Variants in KCNB2 observed in about 807,000 individuals in gnomAD.
KCNB2 encodes the protein potassium voltage-gated channel subfamily B member 2, also known as delayed rectifier potassium channel protein.
A neutral mutation model predicts 61.5 loss-of-function variants in KCNB2; 15 were observed. The ratio of observed to expected loss-of-function variants is 0.24; its 90% CI spans 0.16 to 0.38. KCNB2 has a LOEUF of 0.38. Among genes scored for constraint, KCNB2 ranks in the 10% least tolerant of loss-of-function variants. The pLI, the probability that KCNB2 is intolerant of heterozygous loss-of-function variation, is 1.00. For missense variants in KCNB2, 828 were observed against 1,125.2 expected (o/e 0.74, Z 3.78); for synonymous variants, 457 against 446.0 (o/e 1.02, Z -0.31).
At chr8:72,830,102 G>A (rs1289287498) in intron 2 of KCNB2, among the ~76,000 whole-genome samples, 3 of 151,544 alleles carry the variant, frequency 2.0e-5, no homozygotes, top group African/African-American at 2.4e-5. Context: ...TCTTCACTAT[G>A]CCTTCAGCTT....
At chr8:72,862,043 A>G (rs1805426376) in intron 2 of KCNB2, among the ~76,000 whole-genome samples, 1 of 152,176 alleles carries the variant, frequency 6.6e-6, no homozygotes. Context: ...ATAGTGGTGC[A>G]CAACTGTAGT....
intron 2 of KCNB2, among the ~76,000 whole-genome samples, chr8:72,862,462 T>A (rs115939347): frequency 0.013 from 2,047 of 152,238 alleles, 51 homozygotes; most frequent in African/African-American, 0.047. Context: ...ACCTAAGAAT[T>A]ACAAAATTTT....
At chr8:72,911,291 G>A (rs1806286376) in intron 2 of KCNB2, among the ~76,000 whole-genome samples, 1 of 152,180 alleles carries the variant, frequency 6.6e-6, no homozygotes, top group African/African-American at 2.4e-5. Flanking sequence ...ATTTGGGATT[G>A]GTACTCAGGA....
At chr8:72,670,935 A>T (rs1806553931) in intron 2 of KCNB2, among the ~76,000 whole-genome samples, 1 of 152,158 alleles carries the variant, frequency 6.6e-6, no homozygotes, top group East Asian at 1.9e-4. Context: ...TTCCAACTCC[A>T]AATGGATATG....
At chr8:72,867,734 T>C (rs891524979) in intron 2 of KCNB2, among the ~76,000 whole-genome samples, 1 of 152,188 alleles carries the variant, frequency 6.6e-6, no homozygotes, top group Non-Finnish European at 1.5e-5. Flanking sequence ...TATTAGCACA[T>C]ACTAGACATG....
At chr8:72,813,128 G>A (rs1809332455) in intron 2 of KCNB2, among the ~76,000 whole-genome samples, 1 of 152,154 alleles carries the variant, frequency 6.6e-6, no homozygotes, top group South Asian at 2.1e-4. Flanking sequence ...TACAAAATGG[G>A]GTATTGGTTT....
chr8:72,748,980 A>G lies in KCNB2; in HGVS notation c.579+180667A>G, dbSNP rs368760625. Among the ~76,000 whole-genome samples, 206 of 152,096 alleles carry G rather than the reference A, an allele frequency of 1.4e-3. 3 individuals carry two copies. In the South Asian group the frequency reaches 0.026, roughly 19 times the overall value. On this transcript the variant is annotated intron_variant, in intron 2 of 2. Transcript: ENST00000523207. ...TCCTCCCGTCTAACTGAAATTTTGT[A>G]CCCTTTGACCAACACCTCCCAACAC...
At position 72,681,783 on chromosome 8, in the gene KCNB2, A is replaced by G. The variant is rs747082467; in HGVS notation, c.579+113470A>G. Among the ~76,000 whole-genome samples the G allele has an allele frequency of 3.8e-4, 58 of 152,206 alleles. 1 individual carries two copies. The highest frequency in any genetic ancestry group is 1.5e-4 in the Non-Finnish European group (10 of 68,032). On this transcript the variant is annotated intron_variant, in intron 2 of 2. Transcript: ENST00000523207. ...CACGTGAATAATGCATTATGCTAGG[A>G]CATTGTAACTGCTACAATGTCACTA...
chr8:72,672,827 G>A (rs1314020380), intron 2 of KCNB2, among the ~76,000 whole-genome samples: 3 of 152,062 alleles, frequency 2.0e-5, no homozygotes, highest in Non-Finnish European at 2.9e-5. Context: ...CTTATATCAT[G>A]CATGCTGTTA....
intron 2 of KCNB2, among the ~76,000 whole-genome samples, chr8:72,752,837 A>G (rs1254710537): frequency 6.6e-6 from 1 of 152,200 alleles, no homozygotes; most frequent in Non-Finnish European, 1.5e-5. Flanking sequence ...TCCTTCCAAG[A>G]TATCACACAC....
At position 72,556,858 on chromosome 8, in the gene KCNB2, G is replaced by A. The variant is rs1215253259; in HGVS notation, c.-93-10784G>A. On this transcript the variant is annotated intron_variant, in intron 1 of 2. Coordinates refer to ENST00000523207, the MANE Select transcript of KCNB2 (RefSeq NM_004770.3). ...TATTACTACAGGATATCTTAGACGA[G>A]GTAACTTATGAACAGCAGAAATTTA... Among the ~76,000 whole-genome samples, 3 of 152,192 alleles carry A rather than the reference G, an allele frequency of 2.0e-5. No homozygotes were observed. In the East Asian group the frequency reaches 5.8e-4, roughly 29 times the overall value.
intron 2 of KCNB2, among the ~76,000 whole-genome samples, chr8:72,727,970 A>G (rs1807680599): frequency 6.6e-6 from 1 of 152,026 alleles, no homozygotes; most frequent in Non-Finnish European, 1.5e-5. Flanking sequence ...TATATATCCA[A>G]AAATGCAAGG....
intron 2 of KCNB2, among the ~76,000 whole-genome samples, chr8:72,935,106 C>A (rs1806872698): frequency 1.3e-5 from 2 of 152,066 alleles, no homozygotes; most frequent in Admixed American, 6.5e-5. Flanking sequence ...AAATAACTTG[C>A]CCAAGGTCAC....
chr8:72,684,554 C>G (rs138931769), intron 2 of KCNB2, among the ~76,000 whole-genome samples: 2 of 152,110 alleles, frequency 1.3e-5, no homozygotes, highest in Admixed American at 6.5e-5. Flanking sequence ...TGCATCACCC[C>G]CTCCTCACCC....
intron 2 of KCNB2, among the ~76,000 whole-genome samples, chr8:72,753,758 A>C (rs1416390150): frequency 6.6e-6 from 1 of 152,206 alleles, no homozygotes; most frequent in Non-Finnish European, 1.5e-5. Context: ...GCAGAATAGC[A>C]ATCATGATTT....
At chr8:72,770,874 CA>C (rs1398365907) in intron 2 of KCNB2, among the ~76,000 whole-genome samples, 1 of 152,218 alleles carries the variant, frequency 6.6e-6, no homozygotes, top group Non-Finnish European at 1.5e-5. Context: ...AGTCGATAGC[CA>C]AACCACACAG....
chr8:72,716,409 C>T (rs889754721), intron 2 of KCNB2, among the ~76,000 whole-genome samples: 16 of 152,100 alleles, frequency 1.1e-4, no homozygotes, highest in Non-Finnish European at 1.8e-4. Flanking sequence ...TGCAAAAATC[C>T]TCAATAAAAT....
chr8:72,642,828 A>G (rs931019956), intron 2 of KCNB2, among the ~76,000 whole-genome samples: 1 of 152,198 alleles, frequency 6.6e-6, no homozygotes, highest in Non-Finnish European at 1.5e-5. Context: ...CTTTTGGCCA[A>G]TATAGTTGAG....
intron 2 of KCNB2, among the ~76,000 whole-genome samples, chr8:72,913,138 T>C (rs1459347652): frequency 6.6e-6 from 1 of 152,188 alleles, no homozygotes; most frequent in Non-Finnish European, 1.5e-5. Context: ...ATTTTATCTC[T>C]TCTATATAAA....
Sources: gnomAD v4.1 joint callset for allele counts (sites outside exome capture counted in the v4.1 genomes callset) on GRCh38, gnomAD v4.1.1 for gene constraint, MANE v1.5 for transcripts, NCBI Gene and HGNC (gene_info 2026-07-23, HGNC 2026-07-21) for gene names.